ATP10A: variants seen among roughly 807,000 people sequenced by gnomAD.
The protein encoded by ATP10A is ATPase phospholipid transporting 10A (putative), also known as phospholipid-transporting ATPase VA.
In ATP10A, 111 loss-of-function variants were observed where a neutral mutation model predicts 147.8. The observed-to-expected ratio is 0.75, with a 90% confidence interval of 0.64 to 0.88. The LOEUF (loss-of-function observed/expected upper bound fraction) is 0.88. Ranked by LOEUF, ATP10A falls within the 40% of genes least tolerant of loss-of-function variation. The pLI is 0.00. For synonymous variants in ATP10A, 875 were observed against 841.6 expected, an observed-to-expected ratio of 1.04 and a Z score of -0.69; for missense variants, 1,927 against 1,959.0, an observed-to-expected ratio of 0.98 and a Z score of 0.31.
At chr15:25,836,019 T>C (rs1371167163) in intron 1 of ATP10A, among the ~76,000 whole-genome samples, 2 of 152,204 alleles carry the variant, frequency 1.3e-5, no homozygotes, top group African/African-American at 4.8e-5. Flanking sequence ...TTCACCGTGT[T>C]AGCCAGGATG....
chr15:25,688,973 C>T (rs1359739983), intron 15 of ATP10A, among the ~76,000 whole-genome samples: 3 of 152,288 alleles, frequency 2.0e-5, no homozygotes, highest in East Asian at 1.9e-4. Flanking sequence ...GAAACAGATA[C>T]CATTAGACAC....
At chr15:25,752,313 C>T (rs893040089) in intron 2 of ATP10A, among the ~76,000 whole-genome samples, 4 of 152,136 alleles carry the variant, frequency 2.6e-5, no homozygotes, top group Non-Finnish European at 5.9e-5. Flanking sequence ...AAATACTATT[C>T]AGCTTTAAAA....
In ATP10A at chr15:25,713,928, C is replaced by A. The variant is rs1430532510; in HGVS notation, c.2090G>T (p.Ser697Ile). 3 of 1,612,282 alleles carry A rather than the reference C, an allele frequency of 1.9e-6. No homozygotes were observed. The highest frequency in any genetic ancestry group is 1.7e-5 in the Admixed American group (1 of 60,030). Residue 697 changes from serine to isoleucine, a missense_variant, in exon 10 of 21, where the codon AGC becomes ATC. By Grantham distance (142) the Ser-to-Ile change is moderately radical (BLOSUM62 -2). Coordinates refer to ENST00000555815, the MANE Select transcript of ATP10A (RefSeq NM_024490.4). Reference sequence around the variant, plus strand: ...ATACACCAGTGCGGCCTCATCCGGGCTCTCCGCCTCGTACCGCAGCTCGCG... The same window carrying A: ...ATACACCAGTGCGGCCTCATCCGGGATCTCCGCCTCGTACCGCAGCTCGCG... Reference protein sequence around the residue: ...SERELRYEAESPDEAALVYAA... With the variant: ...SERELRYEAEIPDEAALVYAA...
chr15:25,860,800 G>A (rs1893725992), intron 1 of ATP10A, among the ~76,000 whole-genome samples: 1 of 152,228 alleles, frequency 6.6e-6, no homozygotes. Flanking sequence ...CAAGATGGGT[G>A]TGATAGTTAC....
chr15:25,750,533 C>G (rs182721992), intron 2 of ATP10A, among the ~76,000 whole-genome samples: 1 of 152,078 alleles, frequency 6.6e-6, no homozygotes, highest in Non-Finnish European at 1.5e-5. Flanking sequence ...GAAAAGGCAA[C>G]TGTTTGTTTG....
chr15:25,846,168 G>A (rs549107515), intron 1 of ATP10A, among the ~76,000 whole-genome samples: 4 of 152,144 alleles, frequency 2.6e-5, no homozygotes, highest in African/African-American at 9.7e-5. Flanking sequence ...GGAAGGGGGA[G>A]TTAGTGTTTC....
intron 1 of ATP10A, among the ~76,000 whole-genome samples, chr15:25,848,991 C>A (rs1334475077): frequency 6.6e-6 from 1 of 152,064 alleles, no homozygotes; most frequent in Non-Finnish European, 1.5e-5. Context: ...ACACCTACCG[C>A]TGTGGGAGGG....
At chr15:25,790,517 A>T (rs1890364238) in intron 1 of ATP10A, among the ~76,000 whole-genome samples, 1 of 152,130 alleles carries the variant, frequency 6.6e-6, no homozygotes, top group Non-Finnish European at 1.5e-5. Flanking sequence ...CTCTTTTTAG[A>T]ATGAAGAAAG....
At chr15:25,722,450 C>G (rs1179145760) in intron 6 of ATP10A, among the ~76,000 whole-genome samples, 1 of 151,988 alleles carries the variant, frequency 6.6e-6, no homozygotes, top group East Asian at 1.9e-4. Context: ...GGGAAAGAGG[C>G]TTTGAGAAAA....
intron 3 of ATP10A, among the ~76,000 whole-genome samples, chr15:25,734,544 A>C (rs1158583753): frequency 1.3e-5 from 2 of 152,188 alleles, no homozygotes; most frequent in Non-Finnish European, 2.9e-5. Context: ...CCCTGCACAC[A>C]AACTCTTGGG....
intron 1 of ATP10A, among the ~76,000 whole-genome samples, chr15:25,859,371 A>G (rs1893654685): frequency 6.6e-6 from 1 of 152,202 alleles, no homozygotes. Flanking sequence ...ACCAGGGCTC[A>G]CTGAGTGGCA....
At chr15:25,673,499 A>G, downstream of ATP10A, among the ~76,000 whole-genome samples, 1 of 148,112 alleles carries the variant, frequency 6.8e-6, no homozygotes, top group East Asian at 1.9e-4. Flanking sequence ...GTGTCCTCAC[A>G]TGTGTGGCCA....
At chr15:25,837,675 C>T (rs1209792779) in intron 1 of ATP10A, among the ~76,000 whole-genome samples, 1 of 152,198 alleles carries the variant, frequency 6.6e-6, no homozygotes, top group African/African-American at 2.4e-5. Flanking sequence ...ACGAGCGCCA[C>T]TGGGTAATGG....
intron 1 of ATP10A, among the ~76,000 whole-genome samples, chr15:25,834,379 C>T (rs1039224532): frequency 1.3e-5 from 2 of 152,084 alleles, no homozygotes; most frequent in East Asian, 3.9e-4. Flanking sequence ...ACATAAGTGG[C>T]CAATAAACAC....
At chr15:25,831,256 C>A (rs915729959) in intron 1 of ATP10A, among the ~76,000 whole-genome samples, 2 of 152,232 alleles carry the variant, frequency 1.3e-5, no homozygotes, top group African/African-American at 4.8e-5. Context: ...ATGAGATTCT[C>A]TCCCCGCTGC....
At chr15:25,822,685 TCA>T (rs1479894379) in intron 1 of ATP10A, among the ~76,000 whole-genome samples, 1 of 152,128 alleles carries the variant, frequency 6.6e-6, no homozygotes, top group African/African-American at 2.4e-5. Context: ...CCTCTCTCTC[TCA>T]CACACATACA....
At chr15:25,690,676 C>T (rs994897243) in intron 15 of ATP10A, among the ~76,000 whole-genome samples, 1 of 152,152 alleles carries the variant, frequency 6.6e-6, no homozygotes, top group Non-Finnish European at 1.5e-5. Context: ...AGTTCAGACC[C>T]GTGTTGTTCA....
At position 25,679,273 on chromosome 15, in the gene ATP10A, T is replaced by C; in HGVS notation, c.*68A>G. The C allele has an allele frequency of 8.8e-7, 1 of 1,134,834 alleles. No individual in the cohort carries two copies. The highest frequency in any genetic ancestry group is 1.1e-6 in the Non-Finnish European group (1 of 891,900). 70.3% of individuals were successfully genotyped at this position (1,134,834 alleles called of 1,614,324 possible). On this transcript the variant is annotated 3_prime_UTR_variant, in exon 21 of 21. Coordinates refer to ENST00000555815, the MANE Select transcript of ATP10A (RefSeq NM_024490.4). ...AATACATCTCCCTAGAACTCTTCTGTGCAAATAATAAACATAAATAATATT... is the reference window on the plus strand; with the variant it reads ...AATACATCTCCCTAGAACTCTTCTGCGCAAATAATAAACATAAATAATATT...
At chr15:25,740,875 G>T (rs1171220853) in intron 2 of ATP10A, among the ~76,000 whole-genome samples, 1 of 152,194 alleles carries the variant, frequency 6.6e-6, no homozygotes, top group African/African-American at 2.4e-5. Context: ...CAGGGTCACT[G>T]CGCTGACCTC....
Sources: allele counts gnomAD v4.1 joint callset (sites outside exome capture counted in the v4.1 genomes callset), GRCh38; gene constraint gnomAD v4.1.1; transcripts MANE v1.5; gene names NCBI Gene and HGNC (gene_info 2026-07-23, HGNC 2026-07-21).